FUT8: variants seen among roughly 807,000 people sequenced by gnomAD.
The protein encoded by FUT8 is fucosyltransferase 8.
Under a neutral mutation model 71.3 loss-of-function variants are expected in FUT8, and 29 were observed. That is an observed-to-expected ratio of 0.41 (90% CI 0.30 to 0.55). The LOEUF (loss-of-function observed/expected upper bound fraction) is 0.55. Among genes scored for constraint, FUT8 ranks in the 20% least tolerant of loss-of-function variants. FUT8 has a pLI of 0.34. For missense variants in FUT8, 544 were observed against 702.1 expected, an observed-to-expected ratio of 0.77 and a Z score of 2.55; for synonymous variants, 254 against 239.3, an observed-to-expected ratio of 1.06 and a Z score of -0.57.
rs148024830 is a variant in FUT8, at chr14:65,463,465, G to A, written c.-228+7747G>A. 3.0e-4 allele frequency among the ~76,000 whole-genome samples: 46 copies of A among 152,036 alleles called. 1 individual carries two copies. In the East Asian group the frequency reaches 6.0e-3, roughly 20 times the overall value. On this transcript the variant is annotated intron_variant, in intron 2 of 10. Coordinates refer to ENST00000673929, the MANE Select transcript of FUT8 (RefSeq NM_001371533.1). ...GCATTTTTTGTAGAGATGGAGTTTT[G>A]CCATGTTGCCCAGGCTGATCTTGAA...
intron 7 of FUT8, among the ~76,000 whole-genome samples, chr14:65,677,151 T>TGTGTGTGTGTGTGTGTGTGTGCGCGC: frequency 1.6e-4 from 18 of 110,734 alleles, no homozygotes; most frequent in Non-Finnish European, 2.9e-4. Context: ...TGTGTGTGTG[T>TGTGTGTGTGTGTGTGTGTGTGCGCGC]GCGCGCGCGC....
chr14:65,453,623 G>A (rs773332450), intron 1 of FUT8, among the ~76,000 whole-genome samples: 5 of 152,116 alleles, frequency 3.3e-5, no homozygotes, highest in Admixed American at 3.3e-4. Context: ...CTATGGCCTA[G>A]AGTGTAAAGA....
At chr14:65,495,071 G>C (rs1192601784) in intron 2 of FUT8, among the ~76,000 whole-genome samples, 1 of 151,638 alleles carries the variant, frequency 6.6e-6, no homozygotes, top group East Asian at 1.9e-4. Flanking sequence ...TTGGTTTAGG[G>C]ACTTTGTACC....
intron 2 of FUT8, among the ~76,000 whole-genome samples, chr14:65,556,694 A>G (rs1885603037): frequency 6.6e-6 from 1 of 152,220 alleles, no homozygotes; most frequent in Non-Finnish European, 1.5e-5. Flanking sequence ...ATAGTTGGCA[A>G]CCATTTTAGA....
At chr14:65,505,937 A>T (rs191543079) in intron 2 of FUT8, among the ~76,000 whole-genome samples, 12 of 152,266 alleles carry the variant, frequency 7.9e-5, no homozygotes, top group Admixed American at 7.8e-4. Context: ...TGGATAACAA[A>T]ATTATTAATA....
At chr14:65,692,865 G>A (rs1475629818) in intron 7 of FUT8, among the ~76,000 whole-genome samples, 1 of 151,096 alleles carries the variant, frequency 6.6e-6, no homozygotes, top group Admixed American at 6.6e-5. Context: ...TCACATCCCA[G>A]ACGGGGTGGC....
intron 2 of FUT8, among the ~76,000 whole-genome samples, chr14:65,537,975 A>G (rs868312693): frequency 6.6e-6 from 1 of 152,160 alleles, no homozygotes; most frequent in Non-Finnish European, 1.5e-5. Context: ...GGCAGTGGCA[A>G]TGTGGCGGGG....
At chr14:65,368,050 CTTT>C in the FUT8 span, among the ~76,000 whole-genome samples, 6 of 85,804 alleles carry the variant, frequency 7.0e-5, no homozygotes, top group Non-Finnish European at 9.5e-5. Context: ...GGCAAAATTA[CTTT>C]TTTTTTTTTT....
chr14:65,681,398 CTTA>C (rs1375437243), intron 7 of FUT8, among the ~76,000 whole-genome samples: 1 of 152,072 alleles, frequency 6.6e-6, no homozygotes, highest in African/African-American at 2.4e-5. Context: ...ATGTGATGGC[CTTA>C]TTGTTGTTTA....
intron 2 of FUT8, among the ~76,000 whole-genome samples, chr14:65,521,762 G>C (rs1467435936): frequency 6.6e-6 from 1 of 152,122 alleles, no homozygotes; most frequent in Non-Finnish European, 1.5e-5. Flanking sequence ...CTGAAATTGA[G>C]ATTTACTTGT....
chr14:65,518,947 A>G (rs1207741950), intron 2 of FUT8, among the ~76,000 whole-genome samples: 1 of 152,230 alleles, frequency 6.6e-6, no homozygotes, highest in East Asian at 1.9e-4. Context: ...GTGAAGAAAG[A>G]TGAATGAACA....
intron 7 of FUT8, among the ~76,000 whole-genome samples, chr14:65,689,406 T>G (rs1157783907): frequency 1.3e-5 from 2 of 152,232 alleles, no homozygotes; most frequent in Non-Finnish European, 2.9e-5. Context: ...GAAAGAGTTC[T>G]TATATATTTT....
At chr14:65,719,810 G>A (rs547070173) in intron 7 of FUT8, among the ~76,000 whole-genome samples, 1 of 152,170 alleles carries the variant, frequency 6.6e-6, no homozygotes, top group Non-Finnish European at 1.5e-5. Flanking sequence ...CCAAACAAAC[G>A]AGTCTCTGAT....
chr14:65,406,342 A>C (rs80294611), upstream of FUT8, among the ~76,000 whole-genome samples: 199 of 152,348 alleles, frequency 1.3e-3, no homozygotes, highest in Non-Finnish European at 1.5e-3. Context: ...AACTTGCCCA[A>C]GGTCAGATTG....
intron 3 of FUT8, among the ~76,000 whole-genome samples, chr14:65,611,705 G>A (rs962537035): frequency 5.9e-5 from 9 of 151,852 alleles, no homozygotes; most frequent in African/African-American, 1.5e-4. Flanking sequence ...CTGCCACCCC[G>A]GCTGGAGTTC....
At chr14:65,637,291 G>C (rs1890611042) in intron 6 of FUT8, among the ~76,000 whole-genome samples, 1 of 152,140 alleles carries the variant, frequency 6.6e-6, no homozygotes, top group African/African-American at 2.4e-5. Flanking sequence ...GAAAATTTAT[G>C]TTGCGATTTC....
At chr14:65,522,001 A>G (rs925135690) in intron 2 of FUT8, among the ~76,000 whole-genome samples, 1 of 152,166 alleles carries the variant, frequency 6.6e-6, no homozygotes, top group African/African-American at 2.4e-5. Context: ...TCCAAAAGTC[A>G]CCATTAATTA....
intron 9 of FUT8, among the ~76,000 whole-genome samples, chr14:65,729,433 T>C (rs571570890): frequency 9.7e-4 from 148 of 152,316 alleles, no homozygotes; most frequent in African/African-American, 1.3e-3. Context: ...TTCATTCTTA[T>C]AAGTAATGCT....
At chr14:65,506,173 G>C (rs899717285) in intron 2 of FUT8, among the ~76,000 whole-genome samples, 9 of 152,200 alleles carry the variant, frequency 5.9e-5, no homozygotes, top group Admixed American at 4.6e-4. Flanking sequence ...GGTTCTTTCG[G>C]ATTTCTTAAG....
Sources: gnomAD v4.1 joint callset for allele counts (sites outside exome capture counted in the v4.1 genomes callset) on GRCh38, gnomAD v4.1.1 for gene constraint, MANE v1.5 for transcripts, NCBI Gene and HGNC (gene_info 2026-07-23, HGNC 2026-07-21) for gene names.